The following TNRC6A variants were observed in gnomAD, a reference collection of about 807,000 sequenced individuals.
TNRC6A encodes trinucleotide repeat containing adaptor 6A.
Under a neutral mutation model 221.2 loss-of-function variants are expected in TNRC6A, and 44 were observed. The observed-to-expected ratio is 0.20, with a 90% CI of 0.16 to 0.26. TNRC6A has a LOEUF of 0.26. Ranked by LOEUF, TNRC6A falls within the 10% of genes least tolerant of loss-of-function variation. The pLI is 1.00. For missense variants in TNRC6A, 2,199 were observed against 2,404.4 expected (o/e 0.91, Z 1.79); for synonymous variants, 847 against 838.5 (o/e 1.01, Z -0.18).
At chr16:24,639,639 C>G (rs1254497648) in intron 1 of TNRC6A, among the ~76,000 whole-genome samples, 3 of 152,104 alleles carry the variant, frequency 2.0e-5, no homozygotes, top group African/African-American at 7.2e-5. Context: ...TTGTACCAGC[C>G]GCTTTTTTTG....
chr16:24,658,550 C>G (rs2054963936), intron 2 of TNRC6A, among the ~76,000 whole-genome samples: 1 of 151,918 alleles, frequency 6.6e-6, no homozygotes, highest in Admixed American at 6.6e-5. Flanking sequence ...TTAGTAGAGA[C>G]AGGGTTTCAC....
At chr16:24,766,167 A>G (rs917655049) in intron 4 of TNRC6A, among the ~76,000 whole-genome samples, 1 of 152,202 alleles carries the variant, frequency 6.6e-6, no homozygotes, top group East Asian at 1.9e-4. Context: ...AATGTATACT[A>G]GAAGGAACAC....
upstream of TNRC6A, among the ~76,000 whole-genome samples, chr16:24,728,235 G>C (rs1330660241): frequency 6.6e-6 from 1 of 152,142 alleles, no homozygotes; most frequent in Non-Finnish European, 1.5e-5. Context: ...ATCACCTGAG[G>C]TCAGGAGTTC....
At chr16:24,675,686 CTCTCTCTCTCTCTCTCTA>C (rs1451699496) in intron 2 of TNRC6A, among the ~76,000 whole-genome samples, 12 of 83,768 alleles carry the variant, frequency 1.4e-4, no homozygotes, top group African/African-American at 2.0e-4. Context: ...CTCTCTCTCT[CTCTCTCTCTCTCTCTCTA>C]TATATATATA....
chr16:24,740,055 T>A (rs569285911), intron 2 of TNRC6A, among the ~76,000 whole-genome samples: 34 of 152,354 alleles, frequency 2.2e-4, no homozygotes, highest in Middle Eastern at 3.4e-3. Flanking sequence ...AAGACTTTCA[T>A]CTTGGCACCC....
chr16:24,678,767 C>A (rs1441740569), intron 2 of TNRC6A, among the ~76,000 whole-genome samples: 1 of 152,158 alleles, frequency 6.6e-6, no homozygotes, highest in Non-Finnish European at 1.5e-5. Context: ...CACCTGATTG[C>A]AACCTGCGAG....
intron 1 of TNRC6A, among the ~76,000 whole-genome samples, chr16:24,614,930 C>G (rs1900265173): frequency 6.6e-6 from 1 of 152,084 alleles, no homozygotes; most frequent in Non-Finnish European, 1.5e-5. Flanking sequence ...ATTAGCCAGG[C>G]ATGGTGACCG....
chr16:24,633,903 C>T (rs1212073685), intron 1 of TNRC6A, among the ~76,000 whole-genome samples: 1 of 152,074 alleles, frequency 6.6e-6, no homozygotes, highest in East Asian at 1.9e-4. Flanking sequence ...TGTCAGCCTC[C>T]TGAGTAGCTG....
intron 2 of TNRC6A, among the ~76,000 whole-genome samples, chr16:24,648,459 A>AG (rs1902421709): frequency 6.6e-6 from 1 of 151,516 alleles, no homozygotes; most frequent in Admixed American, 6.6e-5. Flanking sequence ...TTTAGTAGAG[A>AG]CGGGGTTTCA....
rs201560222 is a variant in TNRC6A, at chr16:24,777,101, A to C, written c.332A>C (p.Gln111Pro). The change falls in exon 5 of 25, where the codon CAG (glutamine) becomes CCG (proline). Residue 111 changes from glutamine to proline, a missense_variant. By Grantham distance (76) the Gln-to-Pro change is moderately conservative. Coordinates refer to ENST00000395799, the MANE Select transcript of TNRC6A (RefSeq NM_014494.4). ...QQQPQQQQPQ[Q>P]QPQPQPQQQQ... ...CAGCCGCAGCAGCAGCAGCCACAGC[A>C]GCAGCCACAGCCGCAGCCGCAGCAG... 617 of 1,611,584 alleles carry C rather than the reference A, an allele frequency of 3.8e-4. 3 individuals carry two copies. The African/African-American group carries it at 7.0e-3, about 18-fold the overall frequency.
intron 2 of TNRC6A, chr16:24,664,921 A>G (rs778568246): frequency 4.4e-6 from 2 of 456,146 alleles, no homozygotes; most frequent in East Asian, 7.0e-5. Flanking sequence ...AAGTGACGAC[A>G]GACAGAAGCC....
chr16:24,671,100 C>T (rs371725443), intron 2 of TNRC6A: 129 of 263,896 alleles, frequency 4.9e-4, no homozygotes, highest in African/African-American at 2.8e-3. Context: ...GCGCCAAGGT[C>T]ACCCACCACC....
intron 1 of TNRC6A, among the ~76,000 whole-genome samples, chr16:24,621,013 G>A (rs1900640709): frequency 6.7e-6 from 1 of 148,494 alleles, no homozygotes; most frequent in Admixed American, 6.8e-5. Context: ...GAACCCAGGA[G>A]GTGGAGGTTG....
intron 1 of TNRC6A, among the ~76,000 whole-genome samples, chr16:24,619,933 G>C (rs975591772): frequency 3.3e-5 from 5 of 152,136 alleles, no homozygotes; most frequent in African/African-American, 1.2e-4. Flanking sequence ...TTTGAGCCCA[G>C]GAGTTTGAGA....
intron 4 of TNRC6A, among the ~76,000 whole-genome samples, chr16:24,766,672 ATCT>A (rs2057478689): frequency 1.5e-5 from 2 of 129,182 alleles, no homozygotes; most frequent in African/African-American, 5.8e-5. Context: ...TTTTCTTTTT[ATCT>A]TTTTTTTTTT....
At chr16:24,802,238 A>C (rs904720364) in intron 11 of TNRC6A, among the ~76,000 whole-genome samples, 2 of 152,156 alleles carry the variant, frequency 1.3e-5, no homozygotes, top group Non-Finnish European at 2.9e-5. Flanking sequence ...GAATAGGGAG[A>C]TGAAAACCTG....
At chr16:24,778,016 A>G (rs768748137) in intron 5 of TNRC6A, among the ~76,000 whole-genome samples, 4 of 152,196 alleles carry the variant, frequency 2.6e-5, no homozygotes, top group East Asian at 1.9e-4. Context: ...CATTTATCCA[A>G]CTATTTGAAA....
Position 24,823,997 on chromosome 16 carries a change from G to A in TNRC6A, c.*190G>A. On this transcript the variant is annotated 3_prime_UTR_variant, in exon 25 of 25. Coordinates refer to ENST00000395799, the MANE Select transcript of TNRC6A (RefSeq NM_014494.4). The surrounding 1 kb of genome is among the most constrained non-coding windows in gnomAD (Gnocchi z 4.3). ...GCAGGCCAATATTATAATGTGAAAA[G>A]GTATCTACTCTATTTACACTCCCAA... 1 of 456,950 alleles carries A rather than the reference G, an allele frequency of 2.2e-6. No homozygotes were observed. The highest frequency in any genetic ancestry group is 3.6e-6 in the Non-Finnish European group (1 of 279,852). The allele number at this position is 456,950 out of a possible 1,614,324, so 28.3% of individuals were successfully genotyped here. A position where few individuals can be genotyped will look rare whatever the true frequency, so the allele number is the denominator to read the frequency against.
At position 24,777,114 on chromosome 16, in the gene TNRC6A, G is replaced by A. The variant is rs768145846; in HGVS notation, c.345G>A (p.Pro115=). Reference sequence around the variant, plus strand: ...AGCAGCCACAGCAGCAGCCACAGCCGCAGCCGCAGCAGCAGCAGCCACAGC... The same window carrying A: ...AGCAGCCACAGCAGCAGCCACAGCCACAGCCGCAGCAGCAGCAGCCACAGC... ...QQQQPQQQPQ[P]QPQQQQPQQQ... Residue 115 remains proline (P), a synonymous_variant, in exon 5 of 25, where the codon CCG becomes CCA. Transcript: ENST00000395799. The A allele has an allele frequency of 1.6e-5, 25 of 1,554,324 alleles. No individual in the cohort carries two copies. The highest frequency in any genetic ancestry group is 6.8e-5 in the South Asian group (6 of 87,746).
Sources: allele counts gnomAD v4.1 joint callset (sites outside exome capture counted in the v4.1 genomes callset), GRCh38; gene constraint gnomAD v4.1.1; non-coding constraint Gnocchi (gnomAD v3.1); transcripts MANE v1.5; gene names NCBI Gene and HGNC (gene_info 2026-07-23, HGNC 2026-07-21).